Variants in PCNX2 observed in about 807,000 individuals in gnomAD.
PCNX2 encodes pecanex-like protein 2.
A neutral mutation model predicts 223.8 loss-of-function variants in PCNX2; 168 were observed. The observed-to-expected ratio is 0.75, with a 90% confidence interval of 0.66 to 0.85. PCNX2 has a LOEUF of 0.85. Among genes scored for constraint, PCNX2 ranks in the 40% least tolerant of loss-of-function variants. PCNX2 has a pLI of 0.00. For synonymous variants in PCNX2, 1,006 were observed against 1,052.6 expected (o/e 0.96, Z 0.86); for missense variants, 2,507 against 2,675.5 (o/e 0.94, Z 1.39).
chr1:233,289,670 C>A (rs751075352), intron 1 of PCNX2, among the ~76,000 whole-genome samples: 2 of 152,212 alleles, frequency 1.3e-5, no homozygotes, highest in Non-Finnish European at 2.9e-5. Flanking sequence ...GTGGAAGGAC[C>A]AAATATCAAG....
intron 12 of PCNX2, among the ~76,000 whole-genome samples, chr1:233,212,234 C>T (rs573322995): frequency 6.6e-6 from 1 of 152,234 alleles, no homozygotes; most frequent in African/African-American, 2.4e-5. Flanking sequence ...TGACCCTACA[C>T]AGCAAATATT....
chr1:233,176,626 C>T (rs907445600), intron 17 of PCNX2, among the ~76,000 whole-genome samples: 18 of 152,308 alleles, frequency 1.2e-4, no homozygotes, highest in Admixed American at 5.9e-4. Context: ...ATACACAAAA[C>T]GGACTGAATG....
chr1:232,984,849 AAC>A (rs899391070), intron 33 of PCNX2: 2 of 175,712 alleles, frequency 1.1e-5, no homozygotes, highest in African/African-American at 4.7e-5. Flanking sequence ...ACCCCAGTAG[AAC>A]ACAGAGGCCA....
chr1:233,010,675 C>G (rs537106042), intron 28 of PCNX2, among the ~76,000 whole-genome samples: 2 of 152,302 alleles, frequency 1.3e-5, no homozygotes, highest in East Asian at 3.9e-4. Flanking sequence ...GAAGGTATGT[C>G]CCAAACCTTA....
intron 30 of PCNX2, 121 bp from the exon 31 acceptor site, chr1:232,999,500 C>CAA: frequency 1.7e-6 from 2 of 1,190,276 alleles, no homozygotes; most frequent in Non-Finnish European, 2.3e-6. Context: ...GTTGCCCAGG[C>CAA]TGGAGTGCAA....
chr1:233,122,906 C>T (rs765479599), intron 21 of PCNX2, among the ~76,000 whole-genome samples: 3 of 152,078 alleles, frequency 2.0e-5, no homozygotes, highest in Admixed American at 6.6e-5. Flanking sequence ...AATATAAATA[C>T]GAGGAAAGCA....
chr1:233,232,124 T>C (rs1245051149), intron 9 of PCNX2, among the ~76,000 whole-genome samples: 1 of 152,226 alleles, frequency 6.6e-6, no homozygotes, highest in Non-Finnish European at 1.5e-5. Context: ...TATCCTATTA[T>C]AACAGTGGCT....
intron 10 of PCNX2, among the ~76,000 whole-genome samples, chr1:233,222,976 T>C (rs1474229411): frequency 1.3e-5 from 2 of 152,226 alleles, no homozygotes; most frequent in Middle Eastern, 3.4e-3. Flanking sequence ...CACTGGCATA[T>C]TAAAAGCCAT....
At chr1:233,211,054 G>A (rs909554730) in intron 12 of PCNX2, among the ~76,000 whole-genome samples, 1 of 152,204 alleles carries the variant, frequency 6.6e-6, no homozygotes, top group Non-Finnish European at 1.5e-5. Context: ...TCCTCTTAGA[G>A]ACAGTGGAAT....
At chr1:233,164,960 T>C (rs1678707103) in intron 17 of PCNX2, among the ~76,000 whole-genome samples, 1 of 152,124 alleles carries the variant, frequency 6.6e-6, no homozygotes, top group Non-Finnish European at 1.5e-5. Context: ...TTCTACAGGA[T>C]AGTAGGAAGA....
At chr1:233,287,105 A>G (rs1240733990) in intron 1 of PCNX2, among the ~76,000 whole-genome samples, 2 of 152,212 alleles carry the variant, frequency 1.3e-5, no homozygotes, top group Admixed American at 1.3e-4. Context: ...GTGGAAGACA[A>G]ATAAAGTTGC....
At chr1:233,035,300 T>G (rs1477368613) in intron 25 of PCNX2, among the ~76,000 whole-genome samples, 1 of 152,176 alleles carries the variant, frequency 6.6e-6, no homozygotes, top group Non-Finnish European at 1.5e-5. Flanking sequence ...CAAACCGCAG[T>G]TTTTGTTCCC....
Position 232,983,777 on chromosome 1 carries a change from CACTT to C in PCNX2, c.*523_*526del, listed in dbSNP as rs1669348763. The stretch of plus-strand genomic sequence containing the variant: ...TTATAAAGAAATAGGGTTTTCTTGA[CACTT>C]AGATTTAACCTTAATGCATCTGCCC... On this transcript the variant is annotated 3_prime_UTR_variant, in exon 34 of 34. Coordinates refer to ENST00000258229, the MANE Select transcript of PCNX2 (RefSeq NM_014801.4). The C allele has an allele frequency of 6.6e-6, 1 of 152,216 alleles. No individual in the cohort carries two copies. Among genetic ancestry groups the C allele is most frequent in the African/African-American group, 2.4e-5 (1 of 41,438 alleles). The allele number at this position is 152,216 out of a possible 1,614,324, so 9.4% of individuals were successfully genotyped here.
chr1:233,196,212 G>T (rs938938658), intron 15 of PCNX2, among the ~76,000 whole-genome samples: 5 of 151,890 alleles, frequency 3.3e-5, no homozygotes, highest in African/African-American at 1.2e-4. Context: ...CATCTCAAAA[G>T]AGATTTCAAA....
In PCNX2 at chr1:233,236,906, C is replaced by T. The variant is rs1433119351; in HGVS notation, c.2297G>A (p.Ser766Asn). ...CAGTAACAGCTGTTGCTGAAGGGCACTGACGGCAGGGTCCCCAGAAGACGG... is the reference window on the plus strand; with the variant it reads ...CAGTAACAGCTGTTGCTGAAGGGCATTGACGGCAGGGTCCCCAGAAGACGG... The part of the protein sequence containing the change: ...QDPSSGDPAV[S>N]ALQQQLLLMV... Residue 766 changes from serine to asparagine, a missense_variant, in exon 9 of 34, where the codon AGT becomes AAT. Ser to Asn is a conservative substitution (Grantham distance 46, BLOSUM62 1). Around this residue, in one of 3 missense-constraint regions of PCNX2, gnomAD observed 1,031 missense variants for 1,021.7 expected, o/e 1.01. Transcript: ENST00000258229. 6.2e-7 allele frequency: 1 copy of T among 1,613,906 alleles called. No homozygotes were observed. The highest frequency in any genetic ancestry group is 1.3e-5 in the African/African-American group (1 of 74,944).
At chr1:233,054,187 G>C (rs1364110923) in intron 25 of PCNX2, 81 bp downstream of exon 25, 1 of 1,316,768 alleles carries the variant, frequency 7.6e-7, no homozygotes, top group Non-Finnish European at 1.1e-6. Flanking sequence ...CTGTTTAACA[G>C]TGACTTCTTC....
the PCNX2 span, among the ~76,000 whole-genome samples, chr1:233,319,846 GCTTT>G: frequency 2.6e-5 from 4 of 152,116 alleles, no homozygotes; most frequent in Non-Finnish European, 5.9e-5. Flanking sequence ...TTTATTTATA[GCTTT>G]ATTTTAAAGA....
chr1:233,218,452 A>G (rs746028929), intron 10 of PCNX2, among the ~76,000 whole-genome samples: 14 of 151,854 alleles, frequency 9.2e-5, no homozygotes, highest in Admixed American at 2.6e-4. Flanking sequence ...GGGTTTCACA[A>G]TGTTAGTCAG....
At chr1:233,138,608 T>C (rs946832803) in intron 20 of PCNX2, among the ~76,000 whole-genome samples, 8 of 152,192 alleles carry the variant, frequency 5.3e-5, no homozygotes, top group Admixed American at 5.2e-4. Flanking sequence ...ATCTCCTAGA[T>C]TGGGTCCCAC....
Sources: gnomAD v4.1 joint callset for allele counts (sites outside exome capture counted in the v4.1 genomes callset) on GRCh38, gnomAD v4.1.1 for gene constraint, gnomAD v4.1.1 regional missense constraint, MANE v1.5 for transcripts, NCBI Gene and HGNC (gene_info 2026-07-23, HGNC 2026-07-21) for gene names.